Variants in ENPP2 observed in about 807,000 individuals in gnomAD.
ENPP2 encodes autotaxin.
A neutral mutation model predicts 120.2 loss-of-function variants in ENPP2; 51 were observed. The observed-to-expected ratio is 0.42, with a 90% CI of 0.34 to 0.54. The LOEUF (loss-of-function observed/expected upper bound fraction) is 0.54, where lower values mean the gene tolerates loss of function less well. Ranked by LOEUF, ENPP2 falls within the 20% of genes least tolerant of loss-of-function variation. ENPP2 has a pLI of 0.04. For synonymous variants in ENPP2, 365 were observed against 366.4 expected (o/e 1.00, Z 0.04); for missense variants, 920 against 1,066.5 (o/e 0.86, Z 1.91).
At chr8:119,618,298 G>A (rs745590403) in intron 5 of ENPP2, 4 of 496,024 alleles carry the variant, frequency 8.1e-6, no homozygotes, top group Admixed American at 6.1e-5. Context: ...CCTCTCCCCA[G>A]GAGATGCTTT....
intron 2 of ENPP2, among the ~76,000 whole-genome samples, chr8:119,630,880 ATC>A (rs1816614495): frequency 6.6e-6 from 1 of 151,624 alleles, no homozygotes; most frequent in African/African-American, 2.4e-5. Flanking sequence ...TTGAGCTGCT[ATC>A]TCTTTTTTTT....
chr8:119,632,108 G>A (rs962647671), intron 2 of ENPP2, among the ~76,000 whole-genome samples: 5 of 152,128 alleles, frequency 3.3e-5, no homozygotes, highest in Admixed American at 6.5e-5. Flanking sequence ...AAGATTATCC[G>A]ATTTGTTAGA....
intron 9 of ENPP2, among the ~76,000 whole-genome samples, chr8:119,604,010 C>G (rs1016009057): frequency 2.3e-4 from 22 of 94,210 alleles, no homozygotes; most frequent in Non-Finnish European, 3.9e-4. Context: ...CTCAATCTCT[C>G]TCTTTTTTTT....
At chr8:119,622,743 C>T (rs1203250651) in intron 3 of ENPP2, among the ~76,000 whole-genome samples, 2 of 151,972 alleles carry the variant, frequency 1.3e-5, no homozygotes, top group Non-Finnish European at 2.9e-5. Flanking sequence ...TTCAGAACTA[C>T]TCTATTGAGA....
intron 22 of ENPP2, among the ~76,000 whole-genome samples, chr8:119,565,157 A>T (rs1814314734): frequency 6.6e-6 from 1 of 152,146 alleles, no homozygotes; most frequent in South Asian, 2.1e-4. Flanking sequence ...AACAGTGTAG[A>T]GCTATGAAAC....
Position 119,582,541 on chromosome 8 carries a change from C to T in ENPP2, c.1605G>A (p.Leu535=). The part of the protein sequence containing the change: ...NGTHGSLNHL[L]RTNTFRPTMP... ...TGGTTGGCCTGAAGGTATTAGTGCG[C>T]AGGAGATGATTCAAACTTCCATGGG... The change falls in exon 18 of 25, where the codon CTG becomes CTA. Residue 535 remains leucine, a synonymous_variant. Transcript: ENST00000075322. 1 of 1,613,762 alleles carries T rather than the reference C, an allele frequency of 6.2e-7. No homozygotes were observed. Among genetic ancestry groups the T allele is most frequent in the Non-Finnish European group, 8.5e-7 (1 of 1,179,650 alleles).
chr8:119,628,575 G>A (rs77446763), intron 2 of ENPP2, among the ~76,000 whole-genome samples: 5,998 of 152,194 alleles, frequency 0.039, 176 homozygotes, highest in Non-Finnish European at 0.059. Context: ...GAGGACTATT[G>A]CACACTCCTT....
chr8:119,646,499 G>A (rs903780841), intron 1 of ENPP2, among the ~76,000 whole-genome samples: 1 of 151,984 alleles, frequency 6.6e-6, no homozygotes, highest in African/African-American at 2.4e-5. Flanking sequence ...TGACCTAGAG[G>A]GTAAATTCAA....
intron 24 of ENPP2, 80 bp from the exon 25 acceptor site, chr8:119,557,771 C>G (rs1318283323): frequency 1.2e-5 from 15 of 1,246,564 alleles, no homozygotes; most frequent in Non-Finnish European, 1.7e-5. Flanking sequence ...TCCAAGTCCA[C>G]AAATGACCTC....
intron 1 of ENPP2, among the ~76,000 whole-genome samples, chr8:119,656,740 T>G (rs888611563): frequency 1.8e-4 from 27 of 152,136 alleles, no homozygotes; most frequent in African/African-American, 6.5e-4. Context: ...CAGTTAGAAT[T>G]ATCATATTTT....
Position 119,559,072 on chromosome 8 carries a change from G to A in ENPP2, c.2422-1381C>T, listed in dbSNP as rs180761738. Among the ~76,000 whole-genome samples, 819 of 152,260 alleles carry A rather than the reference G, an allele frequency of 5.4e-3. 8 individuals are homozygous for A. Among genetic ancestry groups the A allele is most frequent in the African/African-American group, 0.017 (699 of 41,552 alleles). Reference sequence around the variant, plus strand: ...ATTGCTTTGCAGGCTGGGGAGGTAAGAATTTTAACCTTCATGTCCCACCCT... The same window carrying A: ...ATTGCTTTGCAGGCTGGGGAGGTAAAAATTTTAACCTTCATGTCCCACCCT... On this transcript the variant is annotated intron_variant, in intron 24 of 24. Coordinates refer to ENST00000075322, the MANE Select transcript of ENPP2 (RefSeq NM_001040092.3).
At chr8:119,651,129 C>T (rs532273479) in intron 1 of ENPP2, among the ~76,000 whole-genome samples, 1 of 152,030 alleles carries the variant, frequency 6.6e-6, no homozygotes, top group Non-Finnish European at 1.5e-5. Flanking sequence ...GCTCATATGG[C>T]AGATGGGCAT....
At chr8:119,610,031 G>A (rs2130649646) in intron 8 of ENPP2, among the ~76,000 whole-genome samples, 1 of 152,298 alleles carries the variant, frequency 6.6e-6, no homozygotes, top group South Asian at 2.1e-4. Context: ...TCTTTACAGT[G>A]TCAAAAGGAA....
chr8:119,625,658 A>G (rs1563748258), intron 3 of ENPP2, among the ~76,000 whole-genome samples: 1 of 152,328 alleles, frequency 6.6e-6, no homozygotes, highest in East Asian at 1.9e-4. Flanking sequence ...AACAGCATTG[A>G]CGGTTGTCTT....
chr8:119,615,218 A>G (rs10505369), intron 8 of ENPP2, among the ~76,000 whole-genome samples: 2,395 of 152,222 alleles, frequency 0.016, 44 homozygotes, highest in African/African-American at 0.046. Context: ...TTGAGTGCAC[A>G]AAGTTCTCCC....
At chr8:119,571,507 A>G (rs1814978816) in intron 19 of ENPP2, 1 of 152,150 alleles carries the variant, frequency 6.6e-6, no homozygotes, top group South Asian at 2.1e-4. Context: ...AGACCTCCAA[A>G]GGAAAGCTCT....
Position 119,607,949 on chromosome 8 carries a change from A to AC in ENPP2, c.805dup (p.Val269GlyfsTer31), listed in dbSNP as rs750321432. 1 of 1,610,738 alleles carries AC rather than the reference A, an allele frequency of 6.2e-7. No homozygotes were observed. Among genetic ancestry groups the AC allele is most frequent in the Non-Finnish European group, 8.5e-7 (1 of 1,178,210 alleles). On this transcript the variant is annotated frameshift_variant, in exon 9 of 25. Coordinates refer to ENST00000075322, the MANE Select transcript of ENPP2 (RefSeq NM_001040092.3). LOFTEE classifies it high-confidence loss of function. ...AGACCAAAAGAATGTTCCAGCTTTC[A>AC]CCCCTTGCTTGGTGGCTGTAATCCA...
chr8:119,563,856 T>C (rs533435230), intron 23 of ENPP2, among the ~76,000 whole-genome samples: 8 of 152,088 alleles, frequency 5.3e-5, no homozygotes, highest in African/African-American at 1.9e-4. Context: ...ATTTATAAAA[T>C]AGCAATTTAT....
intron 12 of ENPP2, among the ~76,000 whole-genome samples, chr8:119,590,845 G>C (rs553771211): frequency 2.6e-5 from 4 of 151,940 alleles, no homozygotes; most frequent in East Asian, 3.9e-4. Context: ...ATATCATCTT[G>C]CAAGCACTAG....
Sources: gnomAD v4.1 joint callset for allele counts (sites outside exome capture counted in the v4.1 genomes callset) on GRCh38, gnomAD v4.1.1 for gene constraint, MANE v1.5 for transcripts, NCBI Gene and HGNC (gene_info 2026-07-23, HGNC 2026-07-21) for gene names.